The following PDE4D variants were observed in gnomAD, a reference collection of about 807,000 sequenced individuals.
PDE4D encodes the protein phosphodiesterase 4D, also known as 3',5'-cyclic-AMP phosphodiesterase 4D.
A neutral mutation model predicts 87.4 loss-of-function variants in PDE4D; 24 were observed. The ratio of observed to expected loss-of-function variants is 0.27; its 90% CI spans 0.20 to 0.39. PDE4D has a LOEUF of 0.39. Ranked by LOEUF, PDE4D falls within the 10% of genes least tolerant of loss-of-function variation. The probability of loss-of-function intolerance (pLI) is 1.00; values close to 1 mark genes in which losing one functional copy is unlikely to be tolerated. For synonymous variants in PDE4D, 384 were observed against 383.2 expected (o/e 1.00, Z -0.02); for missense variants, 714 against 1,041.0 (o/e 0.69, Z 4.32).
chr5:60,447,498 T>C (rs1282953747), intron 1 of PDE4D, among the ~76,000 whole-genome samples: 1 of 152,056 alleles, frequency 6.6e-6, no homozygotes. Context: ...CTTTACTCTG[T>C]GTTGAAAGCA....
At chr5:59,285,473 C>T (rs1056869655) in intron 1 of PDE4D, among the ~76,000 whole-genome samples, 4 of 151,812 alleles carry the variant, frequency 2.6e-5, no homozygotes, top group Non-Finnish European at 5.9e-5. Context: ...ACTTTAGATG[C>T]CTTCTGTGCC....
chr5:60,058,592 ATAAACT>A (rs556140842), intron 2 of PDE4D, among the ~76,000 whole-genome samples: 155 of 152,102 alleles, frequency 1.0e-3, no homozygotes, highest in African/African-American at 3.4e-3. Flanking sequence ...AGAAGATGAA[ATAAACT>A]TAAAAGCTGC....
intron 1 of PDE4D, among the ~76,000 whole-genome samples, chr5:59,339,920 G>GT (rs1173881464): frequency 6.6e-6 from 1 of 151,156 alleles, no homozygotes; most frequent in Non-Finnish European, 1.5e-5. Context: ...AATTTAGTGG[G>GT]TTTTTTTGTT....
chr5:60,127,211 A>G (rs532318691), intron 2 of PDE4D, among the ~76,000 whole-genome samples: 1 of 152,312 alleles, frequency 6.6e-6, no homozygotes, highest in Admixed American at 6.5e-5. Context: ...GGGATACTTC[A>G]GGATAAGGCA....
At chr5:59,684,425 A>C (rs1749525049) in intron 1 of PDE4D, among the ~76,000 whole-genome samples, 1 of 152,202 alleles carries the variant, frequency 6.6e-6, no homozygotes, top group South Asian at 2.1e-4. Flanking sequence ...ATAACAAAAA[A>C]CAATAAATAT....
intron 5 of PDE4D, among the ~76,000 whole-genome samples, chr5:59,146,000 G>A (rs960432941): frequency 7.2e-5 from 11 of 152,028 alleles, no homozygotes; most frequent in Admixed American, 2.0e-4. Flanking sequence ...GATGACATAC[G>A]CCTGTAGTCC....
chr5:59,437,619 T>A (rs1262674592), intron 1 of PDE4D, among the ~76,000 whole-genome samples: 2 of 152,152 alleles, frequency 1.3e-5, no homozygotes, highest in African/African-American at 4.8e-5. Flanking sequence ...TATCAATTCA[T>A]TTTTCTACCC....
chr5:60,074,731 T>C (rs1163702481), intron 2 of PDE4D, among the ~76,000 whole-genome samples: 1 of 152,258 alleles, frequency 6.6e-6, no homozygotes, highest in Non-Finnish European at 1.5e-5. Context: ...CTTTTCTTGT[T>C]GAATTAAAAC....
At chr5:59,277,127 A>G (rs1478605618) in intron 1 of PDE4D, among the ~76,000 whole-genome samples, 1 of 152,126 alleles carries the variant, frequency 6.6e-6, no homozygotes, top group African/African-American at 2.4e-5. Context: ...AGGATGTTGG[A>G]GTGCAGTTGT....
At chr5:59,398,310 A>G (rs1395930734) in intron 1 of PDE4D, among the ~76,000 whole-genome samples, 1 of 130,926 alleles carries the variant, frequency 7.6e-6, no homozygotes, top group African/African-American at 3.0e-5. Flanking sequence ...TCCTTGATGA[A>G]CATTGATGCA....
At chr5:59,113,539 T>C (rs1484015470) in intron 5 of PDE4D, among the ~76,000 whole-genome samples, 1 of 152,248 alleles carries the variant, frequency 6.6e-6, no homozygotes, top group Admixed American at 6.5e-5. Context: ...TTTGTTTCTC[T>C]AGACACTATC....
Position 60,089,171 on chromosome 5 carries a change from C to T in PDE4D, c.42+96386G>A, listed in dbSNP as rs1456930678. ...TCAACAAAGAAACATCAGAATTAAA[C>T]TTTACTCTAGATCAAATTGACCTAA... On this transcript the variant is annotated intron_variant, in intron 2 of 16. Transcript: ENST00000502484. Among the ~76,000 whole-genome samples the T allele has an allele frequency of 2.6e-5, 4 of 152,086 alleles. No individual in the cohort carries two copies. In the East Asian group the frequency reaches 7.7e-4, roughly 29 times the overall value.
At chr5:59,627,989 A>G (rs1373128123) in intron 1 of PDE4D, among the ~76,000 whole-genome samples, 1 of 152,208 alleles carries the variant, frequency 6.6e-6, no homozygotes, top group African/African-American at 2.4e-5. Flanking sequence ...TCATTCTTAA[A>G]GTTGTGTAAA....
At chr5:60,249,774 G>A (rs1748215736) in intron 1 of PDE4D, among the ~76,000 whole-genome samples, 1 of 151,922 alleles carries the variant, frequency 6.6e-6, no homozygotes, top group Non-Finnish European at 1.5e-5. Flanking sequence ...GAAATAAAAT[G>A]TATTCATCAC....
intron 1 of PDE4D, among the ~76,000 whole-genome samples, chr5:59,837,625 T>C (rs1742334763): frequency 6.6e-6 from 1 of 152,120 alleles, no homozygotes; most frequent in Non-Finnish European, 1.5e-5. Flanking sequence ...TATTATTTGC[T>C]TTCAATCAAC....
At chr5:59,970,378 G>T (rs1419616167) in intron 3 of PDE4D, among the ~76,000 whole-genome samples, 1 of 152,142 alleles carries the variant, frequency 6.6e-6, no homozygotes, top group East Asian at 1.9e-4. Context: ...AAACTAAAGA[G>T]CTTCTGTACA....
At chr5:59,821,277 A>AAC (rs1554092201) in intron 1 of PDE4D, among the ~76,000 whole-genome samples, 8 of 145,014 alleles carry the variant, frequency 5.5e-5, no homozygotes, top group East Asian at 4.1e-4. Context: ...ACAACAACAA[A>AAC]AGAAAAAGAA....
intron 1 of PDE4D, among the ~76,000 whole-genome samples, chr5:60,337,388 T>TATATACAC (rs66871903): frequency 9.1e-4 from 81 of 89,426 alleles, no homozygotes; most frequent in Middle Eastern, 7.8e-3. Context: ...TATATATATA[T>TATATACAC]ACACACACAC....
At chr5:59,181,456 T>C (rs1451730081) in intron 4 of PDE4D, among the ~76,000 whole-genome samples, 1 of 150,660 alleles carries the variant, frequency 6.6e-6, no homozygotes, top group Non-Finnish European at 1.5e-5. Flanking sequence ...ATTTTTGAAA[T>C]ATAACTTTAT....
Sources: allele counts gnomAD v4.1 joint callset (sites outside exome capture counted in the v4.1 genomes callset), GRCh38; gene constraint gnomAD v4.1.1; transcripts MANE v1.5; gene names NCBI Gene and HGNC (gene_info 2026-07-23, HGNC 2026-07-21).